Variants in NEIL2 observed in about 807,000 individuals in gnomAD.
NEIL2 encodes endonuclease 8-like 2.
Under a neutral mutation model 22.2 loss-of-function variants are expected in NEIL2, and 23 were observed. That is an observed-to-expected ratio of 1.04 (90% confidence interval 0.75 to 1.47). NEIL2 has a LOEUF of 1.47. NEIL2 is among the 40% of genes most tolerant of loss of function. The pLI, the probability that NEIL2 is intolerant of heterozygous loss-of-function variation, is 0.00. For synonymous variants in NEIL2, 229 were observed against 164.8 expected (o/e 1.39, Z -2.99); for missense variants, 583 against 404.7 (o/e 1.44, Z -3.78).
Position 11,783,247 on chromosome 8 carries a change from ATTGTCAG to A in NEIL2, c.542_548del (p.Gln181LeufsTer25). Reference sequence around the variant, plus strand: ...GGTGGTGGCTTCCTGGCATTTTATAATTGTCAGTTGTCTTGGAGCTCTTCCCCAGTGG... The same window carrying A: ...GGTGGTGGCTTCCTGGCATTTTATAATTGTCTTGGAGCTCTTCCCCAGTGG... On this transcript the variant is annotated frameshift_variant, in exon 4 of 5. Transcript: ENST00000284503. LOFTEE classifies it high-confidence loss of function. 6.2e-7 allele frequency: 1 copy of A among 1,614,162 alleles called. No homozygotes were observed. Among genetic ancestry groups the A allele is most frequent in the Non-Finnish European group, 8.5e-7 (1 of 1,180,030 alleles).
At chr8:11,776,613 G>A (rs1212464123) in intron 2 of NEIL2, among the ~76,000 whole-genome samples, 4 of 152,156 alleles carry the variant, frequency 2.6e-5, no homozygotes, top group Non-Finnish European at 4.4e-5. Flanking sequence ...AGTGTCTTCT[G>A]TAGTGTTTTC....
intron 1 of NEIL2, among the ~76,000 whole-genome samples, chr8:11,770,619 C>T (rs541402842): frequency 6.6e-6 from 1 of 152,292 alleles, no homozygotes; most frequent in Non-Finnish European, 1.5e-5. Flanking sequence ...TTTCGATTTT[C>T]ATCATAACTT....
chr8:11,782,500 A>G (rs748289596), intron 3 of NEIL2: 1 of 157,698 alleles, frequency 6.3e-6, no homozygotes, highest in Non-Finnish European at 1.4e-5. Context: ...AGCCTAACCT[A>G]CCTTATATGT....
rs1423136236 is a variant in NEIL2 at position 11,770,142 on chromosome 8, T to TTCGAAGTCCCTTCCGCGTCTCA, written c.-193_-172dup. 128 of 152,304 alleles carry TTCGAAGTCCCTTCCGCGTCTCA rather than the reference T, an allele frequency of 8.4e-4. No homozygotes were observed. Among genetic ancestry groups the TTCGAAGTCCCTTCCGCGTCTCA allele is most frequent in the African/African-American group, 2.9e-3 (122 of 41,562 alleles). 9.4% of individuals were successfully genotyped at this position (152,304 alleles called of 1,614,324 possible). A position where few individuals can be genotyped will look rare whatever the true frequency, so the allele number is the denominator to read the frequency against. On this transcript the variant is annotated 5_prime_UTR_variant, in exon 1 of 5. Coordinates refer to ENST00000284503, the MANE Select transcript of NEIL2 (RefSeq NM_145043.4). ...GTGGGCGCGGCATCTTCAGCGACTC[T>TTCGAAGTCCCTTCCGCGTCTCA]TCGAAGTCCCTTCCGCGTCTCATCT...
Position 11,786,646 on chromosome 8 carries a change from G to A in NEIL2, c.*373G>A, listed in dbSNP as rs1444462788. Reference sequence around the variant, plus strand: ...GATGTGGGTTTTTTTTTTTTTTTTGGTTGTTTGTTTTGAGAGAGAGTCTTG... The same window carrying A: ...GATGTGGGTTTTTTTTTTTTTTTTGATTGTTTGTTTTGAGAGAGAGTCTTG... On this transcript the variant is annotated 3_prime_UTR_variant, in exon 5 of 5. Transcript: ENST00000284503. 6 of 226,466 alleles carry A rather than the reference G, an allele frequency of 2.6e-5. No homozygotes were observed. Among genetic ancestry groups the A allele is most frequent in the South Asian group, 2.1e-4 (6 of 28,514 alleles). The allele number at this position is 226,466 out of a possible 1,614,324, so 14.0% of individuals were successfully genotyped here.
Position 11,779,715 on chromosome 8 carries a change from C to A in NEIL2, c.256C>A (p.Pro86Thr). ...AGTGCAGAAGGAAGGGGCTGCGGAC[C>A]CAAAGCAGGTCGGGGAGCCCAGCGG... is the stretch of plus-strand genomic sequence containing the variant. ...KEVQKEGAAD[P>T]KQVGEPSGQK... The change falls in exon 3 of 5, where the codon CCA (proline) becomes ACA (threonine). Residue 86 changes from proline (P) to threonine (T), a missense_variant. Transcript: ENST00000284503. 1.2e-6 allele frequency: 2 copies of A among 1,614,128 alleles called. No homozygotes were observed. The highest frequency in any genetic ancestry group is 8.5e-7 in the Non-Finnish European group (1 of 1,180,028).
rs781583476 is a variant in NEIL2 at position 11,786,031 on chromosome 8, A to G, written c.757A>G (p.Ser253Gly). ...TCCCCTTTCTCTCGGTTCAGTCCTG[A>G]GTGCCTCGCGTCGGGAGGTCCTGGT... ...IHPLSLGSVL[S>G]ASRREVLVDH... The change falls in exon 5 of 5, where the codon AGT (serine) becomes GGT (glycine). Residue 253 changes from serine to glycine, a missense_variant. Coordinates refer to ENST00000284503, the MANE Select transcript of NEIL2 (RefSeq NM_145043.4). The G allele has an allele frequency of 3.1e-6, 5 of 1,613,968 alleles. No individual in the cohort carries two copies. Among genetic ancestry groups the G allele is most frequent in the Non-Finnish European group, 4.2e-6 (5 of 1,180,024 alleles).
intron 3 of NEIL2, among the ~76,000 whole-genome samples, chr8:11,780,465 C>G (rs1260187433): frequency 1.3e-5 from 2 of 152,184 alleles, no homozygotes; most frequent in African/African-American, 2.4e-5. Flanking sequence ...ACTGCAACCT[C>G]TGCCTCCCAG....
chr8:11,771,070 GT>G (rs1244817559), intron 1 of NEIL2, among the ~76,000 whole-genome samples: 3 of 152,186 alleles, frequency 2.0e-5, no homozygotes, highest in Non-Finnish European at 4.4e-5. Flanking sequence ...GACAGAGAAA[GT>G]CAGGAGGTGT....
chr8:11,779,161 G>T (rs1163453634), intron 2 of NEIL2, among the ~76,000 whole-genome samples: 5 of 152,108 alleles, frequency 3.3e-5, no homozygotes, highest in Admixed American at 3.3e-4. Context: ...GGTGGAGGGG[G>T]TAGCGAGGGG....
intron 4 of NEIL2, among the ~76,000 whole-genome samples, chr8:11,783,736 G>A (rs866717882): frequency 2.0e-5 from 3 of 152,206 alleles, no homozygotes; most frequent in Non-Finnish European, 4.4e-5. Context: ...GCGCCTGCAC[G>A]TAGGAGGTGC....
At chr8:11,783,936 C>T (rs1458101654) in intron 4 of NEIL2, among the ~76,000 whole-genome samples, 3 of 152,202 alleles carry the variant, frequency 2.0e-5, no homozygotes, top group South Asian at 2.1e-4. Context: ...ATTGCAGTGG[C>T]GTGAGCAGTG....
At chr8:11,774,170 G>A (rs1263230997) in intron 2 of NEIL2, among the ~76,000 whole-genome samples, 1 of 152,136 alleles carries the variant, frequency 6.6e-6, no homozygotes, top group African/African-American at 2.4e-5. Context: ...GAGGTCAGGA[G>A]TTTGAGACCA....
chr8:11,784,752 C>G (rs934272625), intron 4 of NEIL2, among the ~76,000 whole-genome samples: 3 of 152,204 alleles, frequency 2.0e-5, no homozygotes, highest in Admixed American at 6.5e-5. Context: ...AAGAGAGTTA[C>G]TGATTCTGGA....
At chr8:11,781,361 T>G (rs566766234) in intron 3 of NEIL2, among the ~76,000 whole-genome samples, 1 of 152,190 alleles carries the variant, frequency 6.6e-6, no homozygotes, top group Admixed American at 6.5e-5. Flanking sequence ...TTTCCACGCA[T>G]TGGTTTTCTC....
Position 11,779,841 on chromosome 8 carries a change from G to T in NEIL2, c.382G>T (p.Gly128Trp), listed in dbSNP as rs1160867641. ...LERDAPAGDA[G>W]RWLRVSFGLF... ...GAGAGACGCCCCTGCAGGAGATGCTGGGAGGTGGCTGCGTGTCAGCTTTGG... is the reference window on the plus strand; with the variant it reads ...GAGAGACGCCCCTGCAGGAGATGCTTGGAGGTGGCTGCGTGTCAGCTTTGG... Residue 128 changes from glycine to tryptophan, a missense_variant, in exon 3 of 5, where the codon GGG (glycine) becomes TGG (tryptophan). Coordinates refer to ENST00000284503, the MANE Select transcript of NEIL2 (RefSeq NM_145043.4). The T allele has an allele frequency of 6.2e-7, 1 of 1,614,064 alleles. No homozygotes were observed. The highest frequency in any genetic ancestry group is 8.5e-7 in the Non-Finnish European group (1 of 1,180,042).
chr8:11,774,577 C>T (rs1178282800), intron 2 of NEIL2, among the ~76,000 whole-genome samples: 1 of 152,164 alleles, frequency 6.6e-6, no homozygotes, highest in African/African-American at 2.4e-5. Flanking sequence ...ATCATGCCTT[C>T]CCAACAGTCC....
chr8:11,779,420 C>T (rs1315485102), intron 2 of NEIL2, among the ~76,000 whole-genome samples, 178 bp from the exon 3 acceptor site: 2 of 152,214 alleles, frequency 1.3e-5, no homozygotes, highest in African/African-American at 4.8e-5. Flanking sequence ...TTGAAAACCA[C>T]ATGCGAACTG....
intron 2 of NEIL2, among the ~76,000 whole-genome samples, chr8:11,779,391 C>G (rs1804192728): frequency 6.6e-6 from 1 of 152,200 alleles, no homozygotes; most frequent in African/African-American, 2.4e-5. Context: ...CCAACTAAGT[C>G]TCCTTGCTCC....
Sources: gnomAD v4.1 joint callset for allele counts (sites outside exome capture counted in the v4.1 genomes callset) on GRCh38, gnomAD v4.1.1 for gene constraint, MANE v1.5 for transcripts, NCBI Gene and HGNC (gene_info 2026-07-23, HGNC 2026-07-21) for gene names.